The following KDM2B variants were observed in gnomAD, a reference collection of about 807,000 sequenced individuals.
KDM2B encodes the protein lysine-specific demethylase 2B.
KDM2B carries 26 observed loss-of-function variants against 150.0 expected under a neutral mutation model. The observed-to-expected ratio is 0.17, with a 90% CI of 0.13 to 0.24. The LOEUF is 0.24. Among genes scored for constraint, KDM2B ranks in the 10% least tolerant of loss-of-function variants. The pLI is 1.00. For synonymous variants in KDM2B, 734 were observed against 729.5 expected (o/e 1.01, Z -0.10); for missense variants, 1,265 against 1,816.9 (o/e 0.70, Z 5.52).
chr12:121,549,413 G>T lies in KDM2B; in HGVS notation c.576+47C>A. 1 of 1,506,338 alleles carries T rather than the reference G, an allele frequency of 6.6e-7. No homozygotes were observed. The highest frequency in any genetic ancestry group is 9.0e-7 in the Non-Finnish European group (1 of 1,110,636). The allele number at this position is 1,506,338 out of a possible 1,614,324, so 93.3% of individuals were successfully genotyped here. A position where few individuals can be genotyped will look rare whatever the true frequency, so the allele number is the denominator to read the frequency against. ...CAGGTGGCAGGGGGACAGGGAAGGA[G>T]ATGAGGTGGAAGGTATCTGGGGAGG... On this transcript the variant is annotated intron_variant, in intron 5 of 22. Coordinates refer to ENST00000377071, the MANE Select transcript of KDM2B (RefSeq NM_032590.5). This position sits in a 1 kb window ranked among gnomAD's most constrained non-coding sequence, Gnocchi z 4.4.
chr12:121,445,480 G>C, intron 13 of KDM2B, 62 bp from the exon 14 acceptor site: 1 of 1,500,782 alleles, frequency 6.7e-7, no homozygotes, highest in South Asian at 1.3e-5. Context: ...CCCCAGGGGG[G>C]CCAGTTCAAG....
At chr12:121,580,262 G>T (rs910113157) in intron 1 of KDM2B, 26 of 1,112,870 alleles carry the variant, frequency 2.3e-5, no homozygotes, top group Non-Finnish European at 2.9e-5. Flanking sequence ...TGGGGGGGGG[G>T]AGGCGTCGAC....
At chr12:121,415,248 T>A in the KDM2B span, 1,350 of 287,184 alleles carry the variant, frequency 4.7e-3, 7 homozygotes, top group Middle Eastern at 9.8e-3. Context: ...CCAAGTCATT[T>A]AAAAAATTAT....
intron 11 of KDM2B, among the ~76,000 whole-genome samples, chr12:121,502,630 G>A (rs1026072721): frequency 6.7e-6 from 1 of 150,248 alleles, no homozygotes; most frequent in Non-Finnish European, 1.5e-5. Context: ...CAAAAAAAAA[G>A]GTATCACCTG....
Position 121,441,194 on chromosome 12 carries a change from G to A in KDM2B, c.3324C>T (p.Asn1108=). ...DKRLWTRIDL[N]HCKSITPLML... ...TCAGGGGTGTGATAGACTTGCAGTGGTTCAGGTCAATGCGGGTCCACAACC... is the reference window on the plus strand; with the variant it reads ...TCAGGGGTGTGATAGACTTGCAGTGATTCAGGTCAATGCGGGTCCACAACC... Residue 1108 remains asparagine (N), a synonymous_variant, in exon 20 of 23, where the codon AAC becomes AAT. Coordinates refer to ENST00000377071, the MANE Select transcript of KDM2B (RefSeq NM_032590.5). The A allele has an allele frequency of 6.2e-7, 1 of 1,614,176 alleles. No homozygotes were observed. The highest frequency in any genetic ancestry group is 8.5e-7 in the Non-Finnish European group (1 of 1,180,024).
chr12:121,509,922 C>A lies in KDM2B; in HGVS notation c.1292G>T (p.Gly431Val), dbSNP rs1555303652. Residue 431 changes from glycine to valine, a missense_variant, in exon 11 of 23, where the codon GGC becomes GTC. Coordinates refer to ENST00000377071, the MANE Select transcript of KDM2B (RefSeq NM_032590.5). ...EEEEKDEEGEGRDRAPKPPTD... is the reference protein window; with the variant it reads ...EEEEKDEEGEVRDRAPKPPTD... ...GGGCGGTTTGGGTGCCCTGTCCCTG[C>A]CCTCGCCCTCCTCGTCCTTCTCCTC... The A allele has an allele frequency of 1.2e-6, 2 of 1,611,902 alleles. No individual in the cohort carries two copies. The highest frequency in any genetic ancestry group is 1.3e-5 in the African/African-American group (1 of 74,696).
chr12:121,516,958 TAG>T (rs1886263791), intron 9 of KDM2B: 1 of 627,672 alleles, frequency 1.6e-6, no homozygotes, highest in African/African-American at 1.9e-5. Flanking sequence ...AATTTCCAAA[TAG>T]ATTCAGTGGC....
intron 12 of KDM2B, among the ~76,000 whole-genome samples, chr12:121,476,239 G>A (rs1274617904): frequency 6.6e-6 from 1 of 151,916 alleles, no homozygotes; most frequent in Non-Finnish European, 1.5e-5. Flanking sequence ...AGGTTGCAGT[G>A]AGCCAAGATT....
chr12:121,538,574 T>G (rs1555309163), intron 6 of KDM2B, among the ~76,000 whole-genome samples: 1 of 152,186 alleles, frequency 6.6e-6, no homozygotes, highest in Non-Finnish European at 1.5e-5. Flanking sequence ...CTGTGTACCC[T>G]ACATCATAGC....
chr12:121,485,562 A>T (rs542817463), intron 12 of KDM2B, among the ~76,000 whole-genome samples: 20 of 151,910 alleles, frequency 1.3e-4, no homozygotes, highest in Admixed American at 8.5e-4. Flanking sequence ...CGCCCTCACC[A>T]ACTGTCCCAA....
In KDM2B at chr12:121,580,940, G is replaced by A. The variant is rs1555317942; in HGVS notation, c.-29C>T. 6.2e-7 allele frequency: 1 copy of A among 1,610,584 alleles called. No homozygotes were observed. Among genetic ancestry groups the A allele is most frequent in the Non-Finnish European group, 8.5e-7 (1 of 1,178,752 alleles). The stretch of plus-strand genomic sequence containing the variant: ...GAGGAGGCATTTGGGGGGCTCAGAA[G>A]GAAATTAGCTCGGCTTCCATACCTA... On this transcript the variant is annotated 5_prime_UTR_variant, in exon 1 of 23. Transcript: ENST00000377071.
chr12:121,466,218 G>A (rs1879891701), intron 12 of KDM2B, among the ~76,000 whole-genome samples: 1 of 151,746 alleles, frequency 6.6e-6, no homozygotes, highest in South Asian at 2.1e-4. Flanking sequence ...AGCGTTTTAT[G>A]CACCCAAGTC....
intron 12 of KDM2B, among the ~76,000 whole-genome samples, chr12:121,486,590 C>T (rs1158600044): frequency 6.6e-6 from 1 of 151,818 alleles, no homozygotes; most frequent in East Asian, 1.9e-4. Flanking sequence ...AATTTGAGAC[C>T]AGCCTGGCCA....
At chr12:121,516,688 C>A (rs184037963) in intron 9 of KDM2B, 1 of 629,844 alleles carries the variant, frequency 1.6e-6, no homozygotes. Flanking sequence ...TCAGGGCCCA[C>A]TCAGCGGCAC....
chr12:121,503,552 C>T (rs1471525100), intron 11 of KDM2B, among the ~76,000 whole-genome samples: 1 of 151,916 alleles, frequency 6.6e-6, no homozygotes, highest in Non-Finnish European at 1.5e-5. Context: ...GCTCCAGCCA[C>T]CCTCCCACTT....
intron 11 of KDM2B, among the ~76,000 whole-genome samples, chr12:121,495,948 C>CT (rs1252461492): frequency 6.6e-6 from 1 of 152,038 alleles, no homozygotes; most frequent in Admixed American, 6.6e-5. Context: ...TGTGTTCACT[C>CT]TCGGTGAGCA....
At position 121,551,150 on chromosome 12, in the gene KDM2B, G is replaced by A. The variant is rs187099477; in HGVS notation, c.398-1512C>T. Among the ~76,000 whole-genome samples the A allele has an allele frequency of 5.7e-4, 86 of 152,164 alleles. No individual in the cohort carries two copies. The East Asian group carries it at 0.013, about 23-fold the overall frequency. On this transcript the variant is annotated intron_variant, in intron 4 of 22. Transcript: ENST00000377071. ...TTGATATGGGTAATAGTCTCATCCC[G>A]TTCACTGAACCTGCCCTCTAACAGG...
the KDM2B span, among the ~76,000 whole-genome samples, chr12:121,411,722 G>A: frequency 6.6e-6 from 1 of 152,182 alleles, no homozygotes; most frequent in Non-Finnish European, 1.5e-5. Context: ...TACCATGGTG[G>A]AAAGAGGAGC....
At position 121,462,496 on chromosome 12, in the gene KDM2B, C is replaced by CT. The variant is rs1252083117; in HGVS notation, c.1735-9153dup. ...CAGAGGCCCCTGTCTTAAAATTTCA[C>CT]TTTTTTTTTTTTTTTGAGACGGAGT... On this transcript the variant is annotated intron_variant, in intron 12 of 22. Transcript: ENST00000377071. Among the ~76,000 whole-genome samples, 875 of 144,656 alleles carry CT rather than the reference C, an allele frequency of 6.0e-3. 1 individual carries two copies. Among genetic ancestry groups the CT allele is most frequent in the African/African-American group, 1.0e-2 (397 of 39,758 alleles). The allele number at this position is 144,656 out of a possible 152,430, so 94.9% of individuals were successfully genotyped here. A position where few individuals can be genotyped will look rare whatever the true frequency, so the allele number is the denominator to read the frequency against.
Sources: gnomAD v4.1 joint callset for allele counts (sites outside exome capture counted in the v4.1 genomes callset) on GRCh38, gnomAD v4.1.1 for gene constraint, Gnocchi (gnomAD v3.1) non-coding constraint, MANE v1.5 for transcripts, NCBI Gene and HGNC (gene_info 2026-07-23, HGNC 2026-07-21) for gene names.